Variants in KIAA1549L observed in about 807,000 individuals in gnomAD.
KIAA1549L encodes KIAA1549 like, also known as UPF0606 protein KIAA1549L.
KIAA1549L carries 88 observed loss-of-function variants against 160.7 expected under a neutral mutation model. The observed-to-expected ratio is 0.55, with a 90% CI of 0.46 to 0.65. KIAA1549L has a LOEUF of 0.65. Ranked by LOEUF, KIAA1549L falls within the 30% of genes least tolerant of loss-of-function variation. The pLI, the probability that KIAA1549L is intolerant of heterozygous loss-of-function variation, is 0.00. For synonymous variants in KIAA1549L, 950 were observed against 976.7 expected, an observed-to-expected ratio of 0.97 and a Z score of 0.51; for missense variants, 2,258 against 2,437.5, an observed-to-expected ratio of 0.93 and a Z score of 1.55.
chr11:33,584,520 T>A (rs1855748382), intron 11 of KIAA1549L, among the ~76,000 whole-genome samples: 1 of 152,204 alleles, frequency 6.6e-6, no homozygotes, highest in Non-Finnish European at 1.5e-5. Flanking sequence ...GATTTTCTGG[T>A]CACCTTGCTC....
At chr11:33,384,732 A>C (rs527674516) in intron 1 of KIAA1549L, among the ~76,000 whole-genome samples, 1 of 151,978 alleles carries the variant, frequency 6.6e-6, no homozygotes, top group African/African-American at 2.4e-5. Context: ...ATATCTTTTC[A>C]TGTTCTTACT....
intron 8 of KIAA1549L, among the ~76,000 whole-genome samples, chr11:33,562,195 G>A (rs1290736261): frequency 6.6e-6 from 1 of 152,232 alleles, no homozygotes; most frequent in Non-Finnish European, 1.5e-5. Flanking sequence ...TTTGGAAATA[G>A]AAAGGGGTTC....
At chr11:33,635,025 G>A (rs1256556279) in intron 16 of KIAA1549L, among the ~76,000 whole-genome samples, 3 of 152,114 alleles carry the variant, frequency 2.0e-5, no homozygotes, top group East Asian at 3.8e-4. Flanking sequence ...TGTTCTGAGG[G>A]GAACCAATCT....
At chr11:33,500,531 C>T (rs1446377251) in intron 1 of KIAA1549L, among the ~76,000 whole-genome samples, 1 of 152,160 alleles carries the variant, frequency 6.6e-6, no homozygotes, top group East Asian at 1.9e-4. Context: ...ATCTGAACAA[C>T]TGCATTCCTC....
At chr11:33,619,191 A>C (rs1467287719) in intron 16 of KIAA1549L, among the ~76,000 whole-genome samples, 1 of 152,190 alleles carries the variant, frequency 6.6e-6, no homozygotes, top group African/African-American at 2.4e-5. Context: ...TAATCCCGTC[A>C]GATTTCCCCA....
At position 33,545,082 on chromosome 11, in the gene KIAA1549L, A is replaced by G. The variant is rs534448915; in HGVS notation, c.3089A>G (p.Asp1030Gly). ...STHTAMQGNM[D>G]TASGLLSTTY... is the part of the protein sequence containing the mutation. ...CATACAGCCATGCAAGGAAACATGG[A>G]CACTGCCTCTGGCCTGTTGTCTACA... The change falls in exon 3 of 21, where the codon GAC (aspartate) becomes GGC (glycine). Residue 1030 changes from aspartate to glycine, a missense_variant. By Grantham distance (94) the Asp-to-Gly change is moderately conservative (BLOSUM62 -1). Transcript: ENST00000658780. The G allele has an allele frequency of 1.7e-5, 27 of 1,614,040 alleles. No individual in the cohort carries two copies. In the South Asian group the frequency reaches 2.5e-4, roughly 15 times the overall value.
chr11:33,376,285 C>A lies in KIAA1549L; in HGVS notation c.-367C>A, dbSNP rs1484957716. On this transcript the variant is annotated 5_prime_UTR_variant, in exon 1 of 21. Coordinates refer to ENST00000658780, the MANE Select transcript of KIAA1549L (RefSeq NM_012194.3). This position sits in a 1 kb window ranked among gnomAD's most constrained non-coding sequence, Gnocchi z 5.8. ...CCCGAGCGCGCCCCGCGGCCGCCAC[C>A]CCCGTTCCCGGCAGCCTCGCCCCCT... Among the ~76,000 whole-genome samples, 9 of 148,894 alleles carry A rather than the reference C, an allele frequency of 6.0e-5. No homozygotes were observed. The East Asian group carries it at 1.4e-3, about 23-fold the overall frequency.
intron 17 of KIAA1549L, among the ~76,000 whole-genome samples, chr11:33,646,601 G>T (rs1851730506): frequency 6.6e-6 from 1 of 152,204 alleles, no homozygotes; most frequent in Non-Finnish European, 1.5e-5. Context: ...ATCCATGATA[G>T]CAAGAACTAT....
intron 6 of KIAA1549L, among the ~76,000 whole-genome samples, chr11:33,554,429 T>C (rs1854576972): frequency 2.6e-5 from 4 of 152,234 alleles, no homozygotes; most frequent in Non-Finnish European, 1.5e-5. Flanking sequence ...GATTGGCTCA[T>C]GTAACTGAAA....
Position 33,493,636 on chromosome 11 carries a change from A to G in KIAA1549L, c.239-48166A>G, listed in dbSNP as rs113853171. ...ACTAAATTGTTGCTTTTATATGTAG[A>G]AATAATGATGGAGAATTGTCATTTT... On this transcript the variant is annotated intron_variant, in intron 1 of 20. Coordinates refer to ENST00000658780, the MANE Select transcript of KIAA1549L (RefSeq NM_012194.3). Among the ~76,000 whole-genome samples the G allele has an allele frequency of 2.4e-3, 372 of 152,334 alleles. 4 individuals carry two copies. The South Asian group carries it at 0.025, about 10-fold the overall frequency.
At chr11:33,581,795 G>C (rs2133264556) in intron 10 of KIAA1549L, among the ~76,000 whole-genome samples, 1 of 152,196 alleles carries the variant, frequency 6.6e-6, no homozygotes, top group African/African-American at 2.4e-5. Context: ...CTCTTGTTTT[G>C]ACTGTTAAAT....
intron 11 of KIAA1549L, 113 bp from the exon 12 acceptor site, chr11:33,591,124 T>G: frequency 1.4e-6 from 1 of 725,252 alleles, no homozygotes; most frequent in African/African-American, 1.8e-5. Context: ...TCTTGTTTAT[T>G]AATTAGAAAG....
At chr11:33,444,571 T>C (rs1851573175) in intron 1 of KIAA1549L, among the ~76,000 whole-genome samples, 1 of 152,218 alleles carries the variant, frequency 6.6e-6, no homozygotes, top group Non-Finnish European at 1.5e-5. Context: ...TCTATTTGCA[T>C]TGTTTGAATG....
At chr11:33,579,348 G>A (rs1855560207) in intron 10 of KIAA1549L, among the ~76,000 whole-genome samples, 1 of 152,084 alleles carries the variant, frequency 6.6e-6, no homozygotes, top group African/African-American at 2.4e-5. Flanking sequence ...TGTGATATGT[G>A]TCATCATCCC....
chr11:33,489,431 C>T (rs1852605540), intron 1 of KIAA1549L, among the ~76,000 whole-genome samples: 1 of 152,176 alleles, frequency 6.6e-6, no homozygotes, highest in Non-Finnish European at 1.5e-5. Flanking sequence ...GCTCCATCTC[C>T]TGATACCATC....
chr11:33,419,530 T>C (rs910677020), intron 1 of KIAA1549L, among the ~76,000 whole-genome samples: 5 of 152,150 alleles, frequency 3.3e-5, no homozygotes, highest in African/African-American at 7.2e-5. Context: ...TCTTTTTTTC[T>C]CTTTTTTTGA....
At chr11:33,426,277 G>GT (rs1197970551) in intron 1 of KIAA1549L, among the ~76,000 whole-genome samples, 1 of 152,134 alleles carries the variant, frequency 6.6e-6, no homozygotes, top group Non-Finnish European at 1.5e-5. Flanking sequence ...TGAGTCTGAA[G>GT]TTTTTTCAGA....
intron 8 of KIAA1549L, among the ~76,000 whole-genome samples, chr11:33,563,112 C>T (rs1215605705): frequency 6.6e-6 from 1 of 151,774 alleles, no homozygotes; most frequent in Non-Finnish European, 1.5e-5. Flanking sequence ...AATCCCAGAA[C>T]TTTGGGAGGC....
At chr11:33,403,362 G>GACACATGCAC (rs1850570125) in intron 1 of KIAA1549L, 3 of 27,500 alleles carry the variant, frequency 1.1e-4, no homozygotes, top group African/African-American at 3.1e-4. Flanking sequence ...GACACACACA[G>GACACATGCAC]ACACATGCAG....
Sources: allele counts gnomAD v4.1 joint callset (sites outside exome capture counted in the v4.1 genomes callset), GRCh38; gene constraint gnomAD v4.1.1; non-coding constraint Gnocchi (gnomAD v3.1); transcripts MANE v1.5; gene names NCBI Gene and HGNC (gene_info 2026-07-23, HGNC 2026-07-21).